The following INVS variants were observed in gnomAD, a reference collection of about 807,000 sequenced individuals.
INVS encodes the protein inversin, also known as inversion of embryo turning homolog.
Under a neutral mutation model 108.8 loss-of-function variants are expected in INVS, and 86 were observed. That is an observed-to-expected ratio of 0.79 (90% CI 0.66 to 0.95). INVS has a LOEUF of 0.95. Among genes scored for constraint, INVS ranks in the 40% least tolerant of loss-of-function variants. The pLI, the probability that INVS is intolerant of heterozygous loss-of-function variation, is 0.00. For missense variants in INVS, 1,169 were observed against 1,297.4 expected, an observed-to-expected ratio of 0.90 and a Z score of 1.52; for synonymous variants, 455 against 473.5, an observed-to-expected ratio of 0.96 and a Z score of 0.51.
chr9:100,253,243 C>T, intron 10 of INVS, 107 bp downstream of exon 10: 1 of 810,066 alleles, frequency 1.2e-6, no homozygotes, highest in Non-Finnish European at 2.1e-6. Flanking sequence ...AGAGATCACC[C>T]ACAAATCCAT....
chr9:100,159,298 T>A (rs1231196268), intron 3 of INVS, among the ~76,000 whole-genome samples: 1 of 152,202 alleles, frequency 6.6e-6, no homozygotes, highest in African/African-American at 2.4e-5. Context: ...GAACTAGATA[T>A]TGAAAAATCA....
intron 3 of INVS, among the ~76,000 whole-genome samples, chr9:100,180,694 A>G (rs555958842): frequency 4.2e-4 from 64 of 152,322 alleles, no homozygotes; most frequent in Non-Finnish European, 7.8e-4. Context: ...GAATTCTACC[A>G]GAGGTACAGA....
chr9:100,177,524 G>A (rs1436936140), intron 3 of INVS, among the ~76,000 whole-genome samples: 1 of 152,196 alleles, frequency 6.6e-6, no homozygotes. Flanking sequence ...CTCAAACTGG[G>A]TGGAGCTCAC....
chr9:100,249,493 T>TTTTA (rs1330573979), intron 8 of INVS, among the ~76,000 whole-genome samples: 18 of 151,958 alleles, frequency 1.2e-4, no homozygotes, highest in African/African-American at 2.9e-4. Context: ...TTGAATTTAT[T>TTTTA]TTTATTTATT....
At chr9:100,224,279 A>G (rs1435183712) in intron 3 of INVS, among the ~76,000 whole-genome samples, 1 of 152,180 alleles carries the variant, frequency 6.6e-6, no homozygotes, top group Non-Finnish European at 1.5e-5. Context: ...TTATCATGCT[A>G]AAAGGGCCCA....
intron 14 of INVS, among the ~76,000 whole-genome samples, chr9:100,293,868 A>G (rs1283593419): frequency 6.6e-6 from 1 of 152,194 alleles, no homozygotes; most frequent in Non-Finnish European, 1.5e-5. Context: ...CCCATCACCA[A>G]TAGGTGGGAG....
intron 8 of INVS, among the ~76,000 whole-genome samples, chr9:100,249,673 T>C (rs1832160242): frequency 6.6e-6 from 1 of 151,818 alleles, no homozygotes; most frequent in African/African-American, 2.4e-5. Flanking sequence ...TTTGTATTTT[T>C]AGTAGAGGCG....
intron 3 of INVS, among the ~76,000 whole-genome samples, chr9:100,168,370 C>T (rs1194870568): frequency 2.0e-5 from 3 of 152,126 alleles, no homozygotes; most frequent in Non-Finnish European, 4.4e-5. Flanking sequence ...ATCAGCCTGT[C>T]ATAATGTTAT....
In INVS at chr9:100,293,057, G is replaced by A. The variant is rs1833677479; in HGVS notation, c.2786+14G>A. ...CGCCTGGCGAAGGTAGGAAAATGGGGTGCTGCCGCATCTGTGGTTCTTTGT... is the reference window on the plus strand; with the variant it reads ...CGCCTGGCGAAGGTAGGAAAATGGGATGCTGCCGCATCTGTGGTTCTTTGT... On this transcript the variant is annotated intron_variant, in intron 14 of 16. Coordinates refer to ENST00000262457, the MANE Select transcript of INVS (RefSeq NM_014425.5). 8.7e-6 allele frequency: 14 copies of A among 1,602,300 alleles called. No homozygotes were observed. The highest frequency in any genetic ancestry group is 1.2e-5 in the Non-Finnish European group (14 of 1,170,424).
At chr9:100,220,137 T>A (rs1338118) in intron 3 of INVS, among the ~76,000 whole-genome samples, 79,120 of 151,338 alleles carry the variant, frequency 0.52, 21,833 homozygotes, top group African/African-American at 0.65. Flanking sequence ...GCTTTTTTTT[T>A]AAAAAAAGGA....
chr9:100,115,312 A>T (rs1554714030), intron 2 of INVS, among the ~76,000 whole-genome samples: 40 of 144,250 alleles, frequency 2.8e-4, no homozygotes, highest in East Asian at 7.7e-4. Context: ...ATATATATAT[A>T]TTTTTATTAT....
chr9:100,282,655 G>A (rs911473785), intron 12 of INVS, among the ~76,000 whole-genome samples: 5 of 152,136 alleles, frequency 3.3e-5, no homozygotes, highest in Admixed American at 6.5e-5. Flanking sequence ...TAGGGTCTCC[G>A]CCTTGTCTCA....
chr9:100,121,922 T>C (rs1225779390), intron 2 of INVS, among the ~76,000 whole-genome samples: 1 of 152,228 alleles, frequency 6.6e-6, no homozygotes, highest in East Asian at 1.9e-4. Context: ...ATTATGCTTT[T>C]TAATTTCCCT....
chr9:100,266,753 C>T (rs1027496283), intron 11 of INVS, among the ~76,000 whole-genome samples: 1 of 152,170 alleles, frequency 6.6e-6, no homozygotes, highest in African/African-American at 2.4e-5. Context: ...ATGCCTCTGA[C>T]AATCCCTCTG....
chr9:100,189,047 G>T, intron 3 of INVS, among the ~76,000 whole-genome samples: 1 of 140,930 alleles, frequency 7.1e-6, no homozygotes, highest in African/African-American at 2.7e-5. Flanking sequence ...GTATTTCTGT[G>T]TTACAGATAT....
chr9:100,261,370 ATTC>A (rs1832617930), intron 10 of INVS, among the ~76,000 whole-genome samples: 1 of 147,656 alleles, frequency 6.8e-6, no homozygotes, highest in Non-Finnish European at 1.5e-5. Flanking sequence ...GGTTCGCGCC[ATTC>A]TTCTTGCTTA....
rs558518912 is a variant in INVS, at chr9:100,254,154, C to A, written c.1464+1018C>A. Among the ~76,000 whole-genome samples the A allele has an allele frequency of 3.3e-5, 5 of 152,276 alleles. No individual in the cohort carries two copies. The East Asian group carries it at 9.6e-4, about 29-fold the overall frequency. ...CTCATTGTGGTTTTGATTTGCATTT[C>A]TCTGATGGCCAGTGATGATGAGCAT... On this transcript the variant is annotated intron_variant, in intron 10 of 16. Transcript: ENST00000262457.
At chr9:100,248,721 T>G (rs553323989) in intron 8 of INVS, among the ~76,000 whole-genome samples, 5 of 152,216 alleles carry the variant, frequency 3.3e-5, no homozygotes, top group African/African-American at 1.2e-4. Context: ...TTTGCAATGC[T>G]GGGCCTGGGT....
intron 3 of INVS, among the ~76,000 whole-genome samples, chr9:100,176,335 G>C (rs1053354559): frequency 1.3e-5 from 2 of 152,098 alleles, no homozygotes; most frequent in African/African-American, 4.8e-5. Context: ...GCTGTCTCTG[G>C]CTATAGATAA....
Sources: gnomAD v4.1 joint callset for allele counts (sites outside exome capture counted in the v4.1 genomes callset) on GRCh38, gnomAD v4.1.1 for gene constraint, MANE v1.5 for transcripts, NCBI Gene and HGNC (gene_info 2026-07-23, HGNC 2026-07-21) for gene names.